Variants in VWF observed in about 807,000 individuals in gnomAD.
VWF encodes Factor VIII related antigen.
In VWF, 176 loss-of-function variants were observed where a neutral mutation model predicts 308.6. The observed-to-expected ratio is 0.57, with a 90% CI of 0.50 to 0.65. The LOEUF is 0.65. Among genes scored for constraint, VWF ranks in the 30% least tolerant of loss-of-function variants. The pLI, the probability that VWF is intolerant of heterozygous loss-of-function variation, is 0.00. For missense variants in VWF, 3,146 were observed against 3,648.2 expected, an observed-to-expected ratio of 0.86 and a Z score of 3.55; for synonymous variants, 1,385 against 1,443.4, an observed-to-expected ratio of 0.96 and a Z score of 0.92.
At chr12:5,964,282 A>ACATACATACATG (rs1269684878) in intron 47 of VWF, among the ~76,000 whole-genome samples, 12 of 143,446 alleles carry the variant, frequency 8.4e-5, no homozygotes, top group Middle Eastern at 3.5e-3. Context: ...ATGCATACAT[A>ACATACATACATG]CATGCATACA....
chr12:6,105,439 G>A (rs1945231425), intron 5 of VWF, among the ~76,000 whole-genome samples: 1 of 152,086 alleles, frequency 6.6e-6, no homozygotes, highest in South Asian at 2.1e-4. Context: ...TGTTGGCCAG[G>A]CTGGTCTTGA....
At chr12:6,065,094 C>T (rs760816045) in intron 11 of VWF, 43 bp downstream of exon 11, 91 of 1,613,478 alleles carry the variant, frequency 5.6e-5, no homozygotes, top group Non-Finnish European at 7.3e-5. Flanking sequence ...TATGCAGCAC[C>T]TTGGGCTACC....
At chr12:6,040,020 A>G (rs907245527) in intron 18 of VWF, among the ~76,000 whole-genome samples, 8 of 152,102 alleles carry the variant, frequency 5.3e-5, no homozygotes, top group African/African-American at 1.7e-4. Flanking sequence ...CTATACAACT[A>G]TGAAGGCTTG....
chr12:6,053,701 T>C (rs138756432), intron 15 of VWF, among the ~76,000 whole-genome samples: 1 of 152,350 alleles, frequency 6.6e-6, no homozygotes, highest in East Asian at 1.9e-4. Context: ...GGCAGTATCC[T>C]CACTGGATGG....
intron 22 of VWF, among the ~76,000 whole-genome samples, chr12:6,026,356 T>C (rs914644797): frequency 1.3e-5 from 2 of 152,178 alleles, no homozygotes; most frequent in Admixed American, 6.5e-5. Context: ...CTGAGATCAC[T>C]GGTGGGAACT....
intron 6 of VWF, among the ~76,000 whole-genome samples, chr12:6,090,442 A>G (rs1256703673): frequency 6.6e-6 from 1 of 152,174 alleles, no homozygotes; most frequent in African/African-American, 2.4e-5. Context: ...GGAATGGGTT[A>G]TAGTTGCGAG....
rs755717764 is a variant in VWF at position 5,990,868 on chromosome 12, TAAAAAAAAAAAAAAAAAAAAAAAAA to T, written c.6798+926_6798+950del. 1.6e-4 allele frequency among the ~76,000 whole-genome samples: 5 copies of T among 31,458 alleles called. No homozygotes were observed. The South Asian group carries it at 3.8e-3, about 24-fold the overall frequency. The allele number at this position is 31,458 out of a possible 152,430, so 20.6% of individuals were successfully genotyped here. On this transcript the variant is annotated intron_variant, in intron 38 of 51. Transcript: ENST00000261405. ...ATACACTCAATAACTCCCATAGAGC[TAAAAAAAAAAAAAAAAAAAAAAAAA>T]AAAAAAAAAAAAAAATTTTGATGAC...
Position 5,969,277 on chromosome 12 carries a change from G to A in VWF, c.7663C>T (p.Pro2555Ser). 1 of 1,614,182 alleles carries A rather than the reference G, an allele frequency of 6.2e-7. No homozygotes were observed. Among genetic ancestry groups the A allele is most frequent in the East Asian group, 2.2e-5 (1 of 44,882 alleles). ...RNVSCPQLEVPVCPSGFQLSC... is the reference protein window; with the variant it reads ...RNVSCPQLEVSVCPSGFQLSC... Reference sequence around the variant, plus strand: ...AGCTGAAAGCCCGAGGGGCAGACAGGGACCTCCAGCTGGGGGCAGGAGACG... The same window carrying A: ...AGCTGAAAGCCCGAGGGGCAGACAGAGACCTCCAGCTGGGGGCAGGAGACG... The change falls in exon 45 of 52, where the codon CCT becomes TCT. Residue 2555 changes from proline (P) to serine (S), a missense_variant. Pro to Ser is a moderately conservative substitution (Grantham distance 74). Coordinates refer to ENST00000261405, the MANE Select transcript of VWF (RefSeq NM_000552.5).
intron 26 of VWF, among the ~76,000 whole-genome samples, chr12:6,022,467 A>T (rs1332797354): frequency 1.3e-5 from 2 of 151,520 alleles, no homozygotes; most frequent in African/African-American, 4.9e-5. Flanking sequence ...ATTCAATACA[A>T]CATTCCCCCA....
In VWF at chr12:5,951,981, C is replaced by A. The variant is rs1196981318; in HGVS notation, c.8116-98G>T. The A allele has an allele frequency of 4.0e-6, 5 of 1,238,480 alleles. No homozygotes were observed. The African/African-American group carries it at 5.9e-5, about 15-fold the overall frequency. 76.7% of individuals were successfully genotyped at this position (1,238,480 alleles called of 1,614,324 possible). ...AATTTTTAGCTCCGAACTCACAGCC[C>A]TGTGCTTAAGTGCCCAGATGTAAAC... is the stretch of plus-strand genomic sequence containing the variant. On this transcript the variant is annotated intron_variant, in intron 49 of 51. Transcript: ENST00000261405.
rs140484603 is a variant in VWF, at chr12:6,007,471, A to C, written c.5842+4146T>G. On this transcript the variant is annotated intron_variant, in intron 34 of 51. Coordinates refer to ENST00000261405, the MANE Select transcript of VWF (RefSeq NM_000552.5). ...GGAAATTAAAAAACACTCTTGAACA[A>C]CCAATGAGTCAAAGAAGAAATCAAA... 1.1e-4 allele frequency among the ~76,000 whole-genome samples: 16 copies of C among 152,336 alleles called. No individual in the cohort carries two copies. In the East Asian group the frequency reaches 2.9e-3, roughly 27 times the overall value.
intron 32 of VWF, among the ~76,000 whole-genome samples, chr12:6,013,208 T>C (rs1264291598): frequency 6.6e-6 from 1 of 152,190 alleles, no homozygotes; most frequent in African/African-American, 2.4e-5. Context: ...TCTACACAAA[T>C]AAGCTTAGGC....
At chr12:5,958,810 T>C (rs1943279099) in intron 47 of VWF, among the ~76,000 whole-genome samples, 1 of 152,184 alleles carries the variant, frequency 6.6e-6, no homozygotes, top group South Asian at 2.1e-4. Flanking sequence ...GTAGATACCA[T>C]ATATGTTGAA....
At chr12:5,985,387 T>A (rs1434031107) in intron 39 of VWF, among the ~76,000 whole-genome samples, 176 bp downstream of exon 39, 1 of 152,144 alleles carries the variant, frequency 6.6e-6, no homozygotes, top group African/African-American at 2.4e-5. Context: ...AGGTGCAGAA[T>A]GGGGCTCCCA....
Position 5,983,233 on chromosome 12 carries a change from T to C in VWF, c.6998A>G (p.Asp2333Gly). The change falls in exon 41 of 52, where the codon GAC (aspartate) becomes GGC (glycine). Residue 2333 changes from aspartate (D) to glycine (G), a missense_variant. Asp to Gly is a moderately conservative substitution (Grantham distance 94). Coordinates refer to ENST00000261405, the MANE Select transcript of VWF (RefSeq NM_000552.5). ...YECVCDPVSC[D>G]LPPVPHCERG... Reference sequence around the variant, plus strand: ...TTCACAGTGAGGCACTGGGGGCAGGTCACAGCTCACTGGGTCACACACTGA... The same window carrying C: ...TTCACAGTGAGGCACTGGGGGCAGGCCACAGCTCACTGGGTCACACACTGA... The C allele has an allele frequency of 6.2e-7, 1 of 1,613,992 alleles. No homozygotes were observed. Among genetic ancestry groups the C allele is most frequent in the Non-Finnish European group, 8.5e-7 (1 of 1,179,970 alleles).
chr12:6,004,736 G>GATA (rs1271334700), intron 34 of VWF, among the ~76,000 whole-genome samples: 77 of 83,602 alleles, frequency 9.2e-4, no homozygotes, highest in African/African-American at 3.4e-3. Flanking sequence ...ATATATAGAT[G>GATA]TTATATATAT....
chr12:6,075,560 A>G lies in VWF; in HGVS notation c.658-9T>C. 1 of 1,612,026 alleles carries G rather than the reference A, an allele frequency of 6.2e-7. No individual in the cohort carries two copies. Among genetic ancestry groups the G allele is most frequent in the Non-Finnish European group, 8.5e-7 (1 of 1,179,078 alleles). On this transcript the variant is annotated splice_polypyrimidine_tract_variant and intron_variant, in intron 6 of 51. Transcript: ENST00000261405. The surrounding 1 kb of genome is among the most constrained non-coding windows in gnomAD (Gnocchi z 4.7). The stretch of plus-strand genomic sequence containing the variant: ...CACTGCTCCCACAGGCCCTGCAGGA[A>G]GAGGGGCCGCCTCAGCGGTATGCTC...
chr12:6,002,488 G>A (rs2136394443), intron 34 of VWF, among the ~76,000 whole-genome samples: 1 of 151,976 alleles, frequency 6.6e-6, no homozygotes, highest in East Asian at 1.9e-4. Context: ...CAAAATTTTA[G>A]TTTAAAAAAA....
At position 6,060,339 on chromosome 12, in the gene VWF, CGGGGACAAAGCGTACATAACACACCCA is replaced by C. The variant is rs1944639991; in HGVS notation, c.1534-2322_1534-2296del. Among the ~76,000 whole-genome samples, 1 of 152,092 alleles carries C rather than the reference CGGGGACAAAGCGTACATAACACACCCA, an allele frequency of 6.6e-6. No individual in the cohort carries two copies. The highest frequency in any genetic ancestry group is 2.1e-4 in the South Asian group (1 of 4,824). ...CTTGCTGCCTGGACCGCCAGCCCCA[CGGGGACAAAGCGTACATAACACACCCA>C]GGGGAAGGAGACCGGGGGGCCCCTA... On this transcript the variant is annotated intron_variant, in intron 13 of 51. Transcript: ENST00000261405. The surrounding 1 kb of genome is among the most constrained non-coding windows in gnomAD (Gnocchi z 5.1).
Sources: allele counts gnomAD v4.1 joint callset (sites outside exome capture counted in the v4.1 genomes callset), GRCh38; gene constraint gnomAD v4.1.1; non-coding constraint Gnocchi (gnomAD v3.1); transcripts MANE v1.5; gene names NCBI Gene and HGNC (gene_info 2026-07-23, HGNC 2026-07-21).